PIK3R3: variants seen among roughly 807,000 people sequenced by gnomAD.
PIK3R3 encodes the protein phosphatidylinositol 3-kinase regulatory subunit gamma.
A neutral mutation model predicts 62.9 loss-of-function variants in PIK3R3; 64 were observed. The ratio of observed to expected loss-of-function variants is 1.02; its 90% confidence interval spans 0.83 to 1.25. The LOEUF is 1.25. Among genes scored for constraint, PIK3R3 ranks in the 50% most tolerant of loss-of-function variants. The pLI, the probability that PIK3R3 is intolerant of heterozygous loss-of-function variation, is 0.00. For missense variants in PIK3R3, 614 were observed against 561.6 expected, an observed-to-expected ratio of 1.09 and a Z score of -0.94; for synonymous variants, 165 against 189.0, an observed-to-expected ratio of 0.87 and a Z score of 1.04.
intron 1 of PIK3R3, among the ~76,000 whole-genome samples, chr1:46,121,002 A>G (rs1654629626): frequency 6.6e-6 from 1 of 152,222 alleles, no homozygotes; most frequent in African/African-American, 2.4e-5. Context: ...GATGCCTGGA[A>G]TCACCGCAAC....
At chr1:46,144,492 A>G in the PIK3R3 span, among the ~76,000 whole-genome samples, 12 of 152,350 alleles carry the variant, frequency 7.9e-5, no homozygotes, top group East Asian at 2.3e-3. Context: ...ATCCTCGGCC[A>G]GGTGCGGTGG....
At chr1:46,062,589 G>A (rs1364153263) in intron 5 of PIK3R3, among the ~76,000 whole-genome samples, 3 of 91,356 alleles carry the variant, frequency 3.3e-5, no homozygotes, top group Non-Finnish European at 7.5e-5. Flanking sequence ...AAACAAAAAG[G>A]CATCTGAATC....
At chr1:46,061,845 G>A in intron 6 of PIK3R3, 84 bp downstream of exon 6, 2 of 1,335,082 alleles carry the variant, frequency 1.5e-6, no homozygotes, top group Non-Finnish European at 2.1e-6. Context: ...GTTTGAGGGG[G>A]TAAAAGAAAA....
At chr1:46,109,837 A>C (rs1653573916) in intron 1 of PIK3R3, among the ~76,000 whole-genome samples, 1 of 152,142 alleles carries the variant, frequency 6.6e-6, no homozygotes, top group Admixed American at 6.6e-5. Flanking sequence ...AAATCTAACC[A>C]TAATGGTTTA....
At chr1:46,100,232 G>A (rs1292804584) in intron 1 of PIK3R3, among the ~76,000 whole-genome samples, 1 of 151,930 alleles carries the variant, frequency 6.6e-6, no homozygotes, top group Non-Finnish European at 1.5e-5. Context: ...CCCTGCCCTA[G>A]TATCATAAAA....
intron 5 of PIK3R3, among the ~76,000 whole-genome samples, chr1:46,063,700 T>C (rs965174119): frequency 7.9e-5 from 12 of 152,264 alleles, no homozygotes; most frequent in African/African-American, 2.9e-4. Flanking sequence ...CCTCCTCTCT[T>C]CCTTCCCCTC....
intron 1 of PIK3R3, among the ~76,000 whole-genome samples, chr1:46,123,027 A>G (rs1404075417): frequency 6.6e-6 from 1 of 152,072 alleles, no homozygotes; most frequent in Non-Finnish European, 1.5e-5. Context: ...TTTAGGCTGC[A>G]GTGAGCCACT....
At chr1:46,149,622 C>CT in the PIK3R3 span, among the ~76,000 whole-genome samples, 32 of 151,952 alleles carry the variant, frequency 2.1e-4, no homozygotes, top group Non-Finnish European at 4.1e-4. Flanking sequence ...CTGCAGCCTG[C>CT]TGGGTCTAAG....
At chr1:46,125,111 T>A (rs984847379) in intron 1 of PIK3R3, among the ~76,000 whole-genome samples, 3 of 151,892 alleles carry the variant, frequency 2.0e-5, no homozygotes, top group South Asian at 2.1e-4. Context: ...AAAAAAATTT[T>A]AAAAATTAAA....
chr1:46,089,580 T>C (rs9429093), intron 1 of PIK3R3, among the ~76,000 whole-genome samples: 33,934 of 151,646 alleles, frequency 0.22, 4,089 homozygotes, highest in Non-Finnish European at 0.26. Flanking sequence ...CCAAGTGTGG[T>C]GGTGTGTGCC....
chr1:46,066,088 T>C lies in PIK3R3; in HGVS notation c.587A>G (p.Asp196Gly). The C allele has an allele frequency of 1.2e-6, 2 of 1,608,202 alleles. No individual in the cohort carries two copies. Among genetic ancestry groups the C allele is most frequent in the Non-Finnish European group, 1.7e-6 (2 of 1,175,008 alleles). The stretch of plus-strand genomic sequence containing the variant: ...TCTAGTATATTCTTCATACAGCCTA[T>C]CATACTCTTTACTCTTCTCCTGATA... ...SQYQEKSKEYDRLYEEYTRTS... is the reference protein window; with the variant it reads ...SQYQEKSKEYGRLYEEYTRTS... The change falls in exon 5 of 10, where the codon GAT becomes GGT. Residue 196 changes from aspartate (D) to glycine (G), a missense_variant. By Grantham distance (94) the Asp-to-Gly change is moderately conservative. Transcript: ENST00000262741.
At chr1:46,078,156 C>T (rs149077988) in intron 2 of PIK3R3, among the ~76,000 whole-genome samples, 1 of 152,086 alleles carries the variant, frequency 6.6e-6, no homozygotes, top group Non-Finnish European at 1.5e-5. Context: ...CATAAAAGAC[C>T]CTTGAATCAT....
intron 3 of PIK3R3, among the ~76,000 whole-genome samples, chr1:46,075,621 TA>T (rs35844006): frequency 2.5e-3 from 364 of 145,794 alleles, no homozygotes; most frequent in Admixed American, 4.5e-3. Flanking sequence ...TAACCTGTGT[TA>T]AAAAAAAAAA....
At chr1:46,069,245 C>A (rs536991112) in intron 3 of PIK3R3, among the ~76,000 whole-genome samples, 2 of 152,274 alleles carry the variant, frequency 1.3e-5, no homozygotes, top group Non-Finnish European at 2.9e-5. Flanking sequence ...TTAGACCAGG[C>A]ACGGTGGCTC....
At chr1:46,112,143 T>C (rs1653795692) in intron 1 of PIK3R3, among the ~76,000 whole-genome samples, 1 of 152,180 alleles carries the variant, frequency 6.6e-6, no homozygotes, top group Non-Finnish European at 1.5e-5. Flanking sequence ...TTTCTTCAGG[T>C]TCCTATAATC....
At chr1:46,074,302 A>C (rs1292509793) in intron 3 of PIK3R3, among the ~76,000 whole-genome samples, 3,033 of 144,632 alleles carry the variant, frequency 0.021, 185 homozygotes, top group African/African-American at 0.075. Flanking sequence ...AAAAAAAAAA[A>C]AAAAAAAAAA....
intron 2 of PIK3R3, 63 bp from the exon 3 acceptor site, chr1:46,077,676 G>A (rs1571427531): frequency 1.0e-6 from 1 of 991,710 alleles, no homozygotes. Flanking sequence ...GGCAGTAGGT[G>A]TGCCTTCTTT....
chr1:46,047,535 T>C (rs1033131915), intron 7 of PIK3R3, among the ~76,000 whole-genome samples: 9 of 152,142 alleles, frequency 5.9e-5, no homozygotes, highest in African/African-American at 2.2e-4. Context: ...CCAGCACACT[T>C]TGTTCCTTTC....
At chr1:46,119,967 G>A (rs778314726) in intron 1 of PIK3R3, among the ~76,000 whole-genome samples, 1 of 151,876 alleles carries the variant, frequency 6.6e-6, no homozygotes, top group Non-Finnish European at 1.5e-5. Flanking sequence ...TTGTAAAGAC[G>A]AGGTTTCTTC....
Sources: allele counts gnomAD v4.1 joint callset (sites outside exome capture counted in the v4.1 genomes callset), GRCh38; gene constraint gnomAD v4.1.1; transcripts MANE v1.5; gene names NCBI Gene and HGNC (gene_info 2026-07-23, HGNC 2026-07-21).